The following DCUN1D3 variants were observed in gnomAD, a reference collection of about 807,000 sequenced individuals.
The protein encoded by DCUN1D3 is defective in cullin neddylation 1 domain containing 3.
In DCUN1D3, 6 loss-of-function variants were observed where a neutral mutation model predicts 24.8. That is an observed-to-expected ratio of 0.24 (90% confidence interval 0.13 to 0.48). DCUN1D3 has a LOEUF of 0.48. DCUN1D3 is among the 20% of genes least tolerant of loss of function. DCUN1D3 has a pLI of 0.99. For synonymous variants in DCUN1D3, 120 were observed against 144.9 expected (o/e 0.83, Z 1.24); for missense variants, 258 against 379.4 (o/e 0.68, Z 2.66).
At position 20,857,501 on chromosome 16, in the gene DCUN1D3, T is replaced by C. The variant is rs2081707970; in HGVS notation, c.*2385A>G. ...TTCTCTGATACACTCTGATCTGGGA[T>C]GGAAAGGGCCTTATCTGGCCAAGAG... On this transcript the variant is annotated 3_prime_UTR_variant, in exon 3 of 3. Transcript: ENST00000324344. 6.6e-6 allele frequency: 1 copy of C among 152,272 alleles called. No homozygotes were observed. Among genetic ancestry groups the C allele is most frequent in the African/African-American group, 2.4e-5 (1 of 41,468 alleles). 9.4% of individuals were successfully genotyped at this position (152,272 alleles called of 1,614,324 possible).
intron 1 of DCUN1D3, among the ~76,000 whole-genome samples, chr16:20,893,629 G>C (rs140796158): frequency 1.3e-5 from 2 of 152,218 alleles, no homozygotes; most frequent in East Asian, 3.9e-4. Context: ...AAGTAGTAAC[G>C]TGAAACAGAA....
intron 1 of DCUN1D3, among the ~76,000 whole-genome samples, chr16:20,882,471 G>C (rs1207375383): frequency 6.6e-6 from 1 of 151,372 alleles, no homozygotes; most frequent in Non-Finnish European, 1.5e-5. Context: ...CTCCATGTTG[G>C]TCAGACTGGT....
chr16:20,883,124 T>C (rs2081852464), intron 1 of DCUN1D3, among the ~76,000 whole-genome samples: 1 of 152,162 alleles, frequency 6.6e-6, no homozygotes, highest in Non-Finnish European at 1.5e-5. Context: ...AGCATTTCCT[T>C]TGGGCCTCAT....
chr16:20,867,387 A>G (rs998478978), intron 1 of DCUN1D3, among the ~76,000 whole-genome samples: 4 of 152,192 alleles, frequency 2.6e-5, no homozygotes, highest in Admixed American at 1.3e-4. Context: ...ACTCGCTGCC[A>G]TGATCCAGGC....
intron 1 of DCUN1D3, among the ~76,000 whole-genome samples, chr16:20,898,305 T>C (rs1377799025): frequency 2.0e-5 from 3 of 152,220 alleles, no homozygotes; most frequent in Admixed American, 6.5e-5. Context: ...ATCACTCTTA[T>C]TTTCTTCAGC....
At position 20,860,199 on chromosome 16, in the gene DCUN1D3, T is replaced by C. The variant is rs2081724523; in HGVS notation, c.602A>G (p.His201Arg). 2.5e-6 allele frequency: 4 copies of C among 1,614,272 alleles called. No homozygotes were observed. Among genetic ancestry groups the C allele is most frequent in the Non-Finnish European group, 3.4e-6 (4 of 1,180,052 alleles). The change falls in exon 3 of 3, where the codon CAT (histidine) becomes CGT (arginine). Residue 201 changes from histidine to arginine, a missense_variant. Transcript: ENST00000324344. This position sits in a 1 kb window ranked among gnomAD's most constrained non-coding sequence, Gnocchi z 4.3. Reference protein sequence around the residue: ...LDSEEGQRSLHREIAIALWKL... With the variant: ...LDSEEGQRSLRREIAIALWKL... ...CCACAGGGCAATGGCTATTTCCCGA[T>C]GCAGTGACCGCTGCCCTTCTTCAGA...
At chr16:20,870,789 A>G (rs2081784444) in intron 1 of DCUN1D3, among the ~76,000 whole-genome samples, 1 of 152,194 alleles carries the variant, frequency 6.6e-6, no homozygotes, top group South Asian at 2.1e-4. Context: ...TCATCTAAAT[A>G]GTTTGTAGAG....
intron 1 of DCUN1D3, among the ~76,000 whole-genome samples, chr16:20,864,571 A>G (rs2081751113): frequency 6.6e-6 from 1 of 152,216 alleles, no homozygotes; most frequent in South Asian, 2.1e-4. Flanking sequence ...ACCACCGTGG[A>G]AAGCAGTATG....
intron 1 of DCUN1D3, among the ~76,000 whole-genome samples, chr16:20,874,450 T>G (rs1043640657): frequency 2.0e-5 from 3 of 152,340 alleles, no homozygotes; most frequent in Admixed American, 1.3e-4. Flanking sequence ...TGTGTACATA[T>G]TTGCTGTCAT....
Position 20,899,258 on chromosome 16 carries a change from A to G in DCUN1D3, c.-106+946T>C, listed in dbSNP as rs1596645780. Among the ~76,000 whole-genome samples, 4 of 152,388 alleles carry G rather than the reference A, an allele frequency of 2.6e-5. 1 individual carries two copies. In the Middle Eastern group the frequency reaches 0.014, roughly 518 times the overall value. The stretch of plus-strand genomic sequence containing the variant: ...ATTAGCCTAGCAAATCATTTTGGGA[A>G]GAGCTGACAACATGTAAATTCCTCA... On this transcript the variant is annotated intron_variant, in intron 1 of 2. Coordinates refer to ENST00000324344, the MANE Select transcript of DCUN1D3 (RefSeq NM_173475.4).
At position 20,890,348 on chromosome 16, in the gene DCUN1D3, G is replaced by T. The variant is rs543967618; in HGVS notation, c.-106+9856C>A. Among the ~76,000 whole-genome samples, 11 of 152,250 alleles carry T rather than the reference G, an allele frequency of 7.2e-5. No homozygotes were observed. In the South Asian group the frequency reaches 2.3e-3, roughly 32 times the overall value. The stretch of plus-strand genomic sequence containing the variant: ...AATGCGTAAGTAATATGTGGGATCT[G>T]AGGGTGTGGGGGCCCACACCTGTAA... On this transcript the variant is annotated intron_variant, in intron 1 of 2. Transcript: ENST00000324344.
chr16:20,879,017 C>A (rs907476512), intron 1 of DCUN1D3, among the ~76,000 whole-genome samples: 1 of 152,162 alleles, frequency 6.6e-6, no homozygotes, highest in African/African-American at 2.4e-5. Context: ...TCTTACTCTG[C>A]CCGCCCCCAG....
At chr16:20,875,875 T>G (rs537350726) in intron 1 of DCUN1D3, among the ~76,000 whole-genome samples, 4 of 152,102 alleles carry the variant, frequency 2.6e-5, no homozygotes, top group Admixed American at 6.5e-5. Flanking sequence ...CTGCAAACTA[T>G]CCATCTGACG....
intron 1 of DCUN1D3, 162 bp downstream of exon 1, chr16:20,900,042 C>G (rs1019163166): frequency 6.6e-6 from 1 of 152,300 alleles, no homozygotes; most frequent in African/African-American, 2.4e-5. Flanking sequence ...ACGCCACAGG[C>G]TCCCCTCACA....
At position 20,858,358 on chromosome 16, in the gene DCUN1D3, C is replaced by G. The variant is rs773634080; in HGVS notation, c.*1528G>C. 2.0e-5 allele frequency: 3 copies of G among 152,576 alleles called. No homozygotes were observed. Among genetic ancestry groups the G allele is most frequent in the Non-Finnish European group, 2.9e-5 (2 of 68,046 alleles). 9.5% of individuals were successfully genotyped at this position (152,576 alleles called of 1,614,324 possible). ...TCCCTCTTGTGAGGAAAGGGCTGAG[C>G]AAACTCATGTTCTCTTTAGTGAAAT... is the stretch of plus-strand genomic sequence containing the variant. On this transcript the variant is annotated 3_prime_UTR_variant, in exon 3 of 3. Transcript: ENST00000324344.
At chr16:20,868,062 A>C (rs1056557849) in intron 1 of DCUN1D3, among the ~76,000 whole-genome samples, 1 of 151,954 alleles carries the variant, frequency 6.6e-6, no homozygotes, top group Non-Finnish European at 1.5e-5. Flanking sequence ...TCCCCTCTCC[A>C]CTTAGTCCCA....
chr16:20,866,033 T>C (rs370136364), intron 1 of DCUN1D3, among the ~76,000 whole-genome samples: 1 of 152,208 alleles, frequency 6.6e-6, no homozygotes, highest in East Asian at 1.9e-4. Context: ...GCTTTTGGTA[T>C]GGAAAACAAC....
intron 1 of DCUN1D3, among the ~76,000 whole-genome samples, chr16:20,875,310 T>C (rs192624115): frequency 6.6e-6 from 1 of 152,088 alleles, no homozygotes; most frequent in East Asian, 1.9e-4. Context: ...CTTTTCTGAA[T>C]TGCGTTCAGT....
chr16:20,869,644 T>C lies in DCUN1D3; in HGVS notation c.-105-7001A>G, dbSNP rs891064874. Among the ~76,000 whole-genome samples, 9 of 152,190 alleles carry C rather than the reference T, an allele frequency of 5.9e-5. No homozygotes were observed. In the South Asian group the frequency reaches 8.3e-4, roughly 14 times the overall value. On this transcript the variant is annotated intron_variant, in intron 1 of 2. Transcript: ENST00000324344. ...GAAAGGAGGAGGGAGAGGGTTGATA[T>C]GGTTGGCTCATGTTATTAATGTATA... is the stretch of plus-strand genomic sequence containing the variant.
Sources: allele counts gnomAD v4.1 joint callset (sites outside exome capture counted in the v4.1 genomes callset), GRCh38; gene constraint gnomAD v4.1.1; non-coding constraint Gnocchi (gnomAD v3.1); transcripts MANE v1.5; gene names NCBI Gene and HGNC (gene_info 2026-07-23, HGNC 2026-07-21).